C5orf15: variants seen among roughly 807,000 people sequenced by gnomAD.
C5orf15 encodes chromosome 5 open reading frame 15, also known as keratinocyte-associated transmembrane protein 2.
In C5orf15, 10 loss-of-function variants were observed where a neutral mutation model predicts 17.8. The ratio of observed to expected loss-of-function variants is 0.56; its 90% CI spans 0.35 to 0.95. The LOEUF is 0.95. Ranked by LOEUF, C5orf15 falls within the 40% of genes least tolerant of loss-of-function variation. The pLI, the probability that C5orf15 is intolerant of heterozygous loss-of-function variation, is 0.02. For synonymous variants in C5orf15, 124 were observed against 131.0 expected (o/e 0.95, Z 0.36); for missense variants, 319 against 331.7 (o/e 0.96, Z 0.30).
Position 133,968,555 on chromosome 5 carries a change from C to G in C5orf15, c.30G>C (p.Arg10Ser). 6.2e-7 allele frequency: 1 copy of G among 1,610,228 alleles called. No homozygotes were observed. The highest frequency in any genetic ancestry group is 8.5e-7 in the Non-Finnish European group (1 of 1,178,796). MAAAVPKRM[R>S]GPAQAKLLPG... Reference sequence around the variant, plus strand: ...GCAGCAGTTTCGCTTGTGCTGGCCCCCTCATCCTCTTCGGGACGGCAGCGG... The same window carrying G: ...GCAGCAGTTTCGCTTGTGCTGGCCCGCTCATCCTCTTCGGGACGGCAGCGG... Residue 10 changes from arginine (R) to serine (S), a missense_variant, in exon 1 of 3, where the codon AGG becomes AGC. This residue lies in a region of C5orf15 where 127 missense variants were observed against 95.6 expected (regional missense o/e 1.33). Coordinates refer to ENST00000231512, the MANE Select transcript of C5orf15 (RefSeq NM_020199.3).
At chr5:133,957,637 G>C (rs1752058476) in intron 2 of C5orf15, among the ~76,000 whole-genome samples, 1 of 152,168 alleles carries the variant, frequency 6.6e-6, no homozygotes, top group Admixed American at 6.5e-5. Context: ...CACTTACAAA[G>C]CTAGCAATAT....
chr5:133,958,919 G>C (rs1464042948), intron 2 of C5orf15, among the ~76,000 whole-genome samples: 3 of 151,842 alleles, frequency 2.0e-5, no homozygotes, highest in Non-Finnish European at 4.4e-5. Flanking sequence ...AAATCACTGG[G>C]CTTTGGTATT....
At chr5:133,965,805 G>A (rs1189234394) in intron 1 of C5orf15, among the ~76,000 whole-genome samples, 1 of 152,184 alleles carries the variant, frequency 6.6e-6, no homozygotes, top group African/African-American at 2.4e-5. Context: ...GGCACCTGTG[G>A]TCCCAGCTAT....
At chr5:133,961,119 ACACTC>A in intron 1 of C5orf15, among the ~76,000 whole-genome samples, 1 of 151,826 alleles carries the variant, frequency 6.6e-6, no homozygotes, top group East Asian at 1.9e-4. Context: ...TCATGTGAAT[ACACTC>A]TGGTTTGTGT....
At position 133,959,712 on chromosome 5, in the gene C5orf15, C is replaced by G; in HGVS notation, c.448G>C (p.Glu150Gln). The change falls in exon 2 of 3, where the codon GAA (glutamate) becomes CAA (glutamine). Residue 150 changes from glutamate to glutamine, a missense_variant. By Grantham distance (29) the Glu-to-Gln change is conservative. This residue lies in a region of C5orf15 where 175 missense variants were observed against 192.4 expected (regional missense o/e 0.91). Transcript: ENST00000231512. Reference sequence around the variant, plus strand: ...CCCGTGGTCCAGTCATAGTCTGGTTCTCCATAATCGCCATTGTCTAGAGTG... The same window carrying G: ...CCCGTGGTCCAGTCATAGTCTGGTTGTCCATAATCGCCATTGTCTAGAGTG... ...KDTLDNGDYG[E>Q]PDYDWTTGPR... 6.2e-7 allele frequency: 1 copy of G among 1,613,872 alleles called. No individual in the cohort carries two copies. The highest frequency in any genetic ancestry group is 8.5e-7 in the Non-Finnish European group (1 of 1,179,844).
chr5:133,959,642 C>A lies in C5orf15; in HGVS notation c.518G>T (p.Arg173Met), dbSNP rs371664436. ...DESDDTLEENRGYMEIEQSVK... is the reference protein window; with the variant it reads ...DESDDTLEENMGYMEIEQSVK... The stretch of plus-strand genomic sequence containing the variant: ...TGACTGTTCAATTTCCATGTAACCC[C>A]TGTTTTCTTCCAAGGTGTCATCAGA... The change falls in exon 2 of 3, where the codon AGG (arginine) becomes ATG (methionine). Residue 173 changes from arginine to methionine, a missense_variant. Physicochemically the swap from Arg to Met is moderately conservative, Grantham distance 91. This residue lies in a region of C5orf15 where 175 missense variants were observed against 192.4 expected (regional missense o/e 0.91). Coordinates refer to ENST00000231512, the MANE Select transcript of C5orf15 (RefSeq NM_020199.3). The A allele has an allele frequency of 3.7e-6, 6 of 1,613,452 alleles. No individual in the cohort carries two copies. The highest frequency in any genetic ancestry group is 4.2e-6 in the Non-Finnish European group (5 of 1,179,836).
chr5:133,961,268 A>G (rs1216123580), intron 1 of C5orf15, among the ~76,000 whole-genome samples: 2 of 137,430 alleles, frequency 1.5e-5, no homozygotes. Context: ...AAAAAAGGCC[A>G]GGCCCTGTGG....
rs369065855 is a variant in C5orf15, at chr5:133,959,052, G to C, written c.666+442C>G. On this transcript the variant is annotated intron_variant, in intron 2 of 2. Transcript: ENST00000231512. ...ATTAGACATCTCAATATTTTACTAT[G>C]AATTTAAACTTCACTGAAAAAAAGG... is the stretch of plus-strand genomic sequence containing the variant. Among the ~76,000 whole-genome samples the C allele has an allele frequency of 5.3e-5, 8 of 152,034 alleles. No homozygotes were observed. The East Asian group carries it at 1.5e-3, about 29-fold the overall frequency.
At chr5:133,967,309 G>A (rs1752210075) in intron 1 of C5orf15, 1 of 152,240 alleles carries the variant, frequency 6.6e-6, no homozygotes, top group African/African-American at 2.4e-5. Flanking sequence ...AAATGTTGCT[G>A]AGGAAACATA....
Position 133,968,555 on chromosome 5 carries a change from C to A in C5orf15, c.30G>T (p.Arg10Ser), listed in dbSNP as rs138361089. 2 of 1,610,228 alleles carry A rather than the reference C, an allele frequency of 1.2e-6. No individual in the cohort carries two copies. The highest frequency in any genetic ancestry group is 1.7e-6 in the Non-Finnish European group (2 of 1,178,796). ...GCAGCAGTTTCGCTTGTGCTGGCCC[C>A]CTCATCCTCTTCGGGACGGCAGCGG... Reference protein sequence around the residue: MAAAVPKRMRGPAQAKLLPG... With the variant: MAAAVPKRMSGPAQAKLLPG... The change falls in exon 1 of 3, where the codon AGG becomes AGT. Residue 10 changes from arginine to serine, a missense_variant. Arg to Ser is a moderately radical substitution (Grantham distance 110). Transcript: ENST00000231512.
At chr5:133,962,589 C>G (rs1253417573) in intron 1 of C5orf15, among the ~76,000 whole-genome samples, 1 of 152,158 alleles carries the variant, frequency 6.6e-6, no homozygotes, top group Non-Finnish European at 1.5e-5. Flanking sequence ...GAGTTCACTC[C>G]ATCTAAGACA....
rs981470016 is a variant in C5orf15 at position 133,956,024 on chromosome 5, C to G, written c.*835G>C. ...CAGTATTATTTAAGTGATAATGACC[C>G]CTAAGATTTATTCAAATTTACTGTA... is the stretch of plus-strand genomic sequence containing the variant. On this transcript the variant is annotated 3_prime_UTR_variant, in exon 3 of 3. Transcript: ENST00000231512. 4 of 152,192 alleles carry G rather than the reference C, an allele frequency of 2.6e-5. No homozygotes were observed. Among genetic ancestry groups the G allele is most frequent in the African/African-American group, 9.7e-5 (4 of 41,366 alleles). The allele number at this position is 152,192 out of a possible 1,614,324, so 9.4% of individuals were successfully genotyped here. A position where few individuals can be genotyped will look rare whatever the true frequency, so the allele number is the denominator to read the frequency against.
At position 133,968,581 on chromosome 5, in the gene C5orf15, C is replaced by T. The variant is rs1490658923; in HGVS notation, c.4G>A (p.Ala2Thr). The change falls in exon 1 of 3, where the codon GCC becomes ACC. Residue 2 changes from alanine to threonine, a missense_variant. Around this residue, in one of 3 missense-constraint regions of C5orf15, gnomAD observed 127 missense variants for 95.6 expected, o/e 1.33. Coordinates refer to ENST00000231512, the MANE Select transcript of C5orf15 (RefSeq NM_020199.3). M[A>T]AAVPKRMRGP... ...CTCATCCTCTTCGGGACGGCAGCGGCCATAACGGACTCGGCTGGGAGCCTG... is the reference window on the plus strand; with the variant it reads ...CTCATCCTCTTCGGGACGGCAGCGGTCATAACGGACTCGGCTGGGAGCCTG... 7 of 1,609,284 alleles carry T rather than the reference C, an allele frequency of 4.3e-6. No homozygotes were observed. Among genetic ancestry groups the T allele is most frequent in the Non-Finnish European group, 5.9e-6 (7 of 1,178,248 alleles).
At chr5:133,957,029 C>CA (rs1561573729) in intron 2 of C5orf15, 39 bp from the exon 3 acceptor site, 18 of 1,495,612 alleles carry the variant, frequency 1.2e-5, no homozygotes, top group Non-Finnish European at 1.7e-5. Context: ...AAAGAGAAAA[C>CA]AGAGAATATG....
intron 2 of C5orf15, among the ~76,000 whole-genome samples, chr5:133,958,783 GA>G (rs1273967614): frequency 1.3e-5 from 2 of 150,374 alleles, no homozygotes; most frequent in South Asian, 2.1e-4. Context: ...TTTATAACCA[GA>G]AAAAAAATCA....
intron 1 of C5orf15, among the ~76,000 whole-genome samples, chr5:133,960,565 G>A (rs565630901): frequency 6.6e-6 from 1 of 152,186 alleles, no homozygotes; most frequent in East Asian, 1.9e-4. Context: ...TGAACTAGAG[G>A]ACTCCCTCTC....
chr5:133,964,575 T>C (rs1214940271), intron 1 of C5orf15, among the ~76,000 whole-genome samples: 1 of 152,222 alleles, frequency 6.6e-6, no homozygotes, highest in East Asian at 1.9e-4. Context: ...GTAGGGGATA[T>C]GCAGGATCTC....
Position 133,956,918 on chromosome 5 carries a change from C to A in C5orf15, c.739G>T (p.Asp247Tyr). Residue 247 changes from aspartate (D) to tyrosine (Y), a missense_variant, in exon 3 of 3, where the codon GAT becomes TAT. Physicochemically the swap from Asp to Tyr is radical, Grantham distance 160. Coordinates refer to ENST00000231512, the MANE Select transcript of C5orf15 (RefSeq NM_020199.3). ...GGCATTGCCTCATTAACATTCTGAT[C>A]TAGGCGATGGTATTCCACTGTTTTG... is the stretch of plus-strand genomic sequence containing the variant. ...CSKTVEYHRL[D>Y]QNVNEAMPSL... 6.2e-7 allele frequency: 1 copy of A among 1,610,804 alleles called. No homozygotes were observed. Among genetic ancestry groups the A allele is most frequent in the East Asian group, 2.2e-5 (1 of 44,762 alleles).
At position 133,966,407 on chromosome 5, in the gene C5orf15, C is replaced by T. The variant is rs535397936; in HGVS notation, c.139+2039G>A. On this transcript the variant is annotated intron_variant, in intron 1 of 2. Transcript: ENST00000231512. The stretch of plus-strand genomic sequence containing the variant: ...GCATTATACATTAAGTTTAGGTGAT[C>T]ATTTGGGGACAATATAATGGCAAAT... 2.0e-5 allele frequency among the ~76,000 whole-genome samples: 3 copies of T among 152,034 alleles called. No homozygotes were observed. In the South Asian group the frequency reaches 6.2e-4, roughly 32 times the overall value.
Sources: allele counts gnomAD v4.1 joint callset (sites outside exome capture counted in the v4.1 genomes callset), GRCh38; gene constraint gnomAD v4.1.1; regional missense constraint gnomAD v4.1.1; transcripts MANE v1.5; gene names NCBI Gene and HGNC (gene_info 2026-07-23, HGNC 2026-07-21).